STAT4: variants seen among roughly 807,000 people sequenced by gnomAD.
The protein encoded by STAT4 is signal transducer and activator of transcription 4.
Under a neutral mutation model 110.5 loss-of-function variants are expected in STAT4, and 42 were observed. The ratio of observed to expected loss-of-function variants is 0.38; its 90% CI spans 0.30 to 0.49. The LOEUF is 0.49. Ranked by LOEUF, STAT4 falls within the 20% of genes least tolerant of loss-of-function variation. STAT4 has a pLI of 0.95. For missense variants in STAT4, 632 were observed against 887.9 expected, an observed-to-expected ratio of 0.71 and a Z score of 3.66; for synonymous variants, 284 against 302.2, an observed-to-expected ratio of 0.94 and a Z score of 0.63.
intron 13 of STAT4, among the ~76,000 whole-genome samples, chr2:191,056,649 C>T (rs1334656454): frequency 6.6e-6 from 1 of 152,082 alleles, no homozygotes; most frequent in African/African-American, 2.4e-5. Context: ...TACATGTATA[C>T]AGTGTGTAAT....
In STAT4 at chr2:191,144,926, A is replaced by G. The variant is rs4853546; in HGVS notation, c.273+1687T>C. ...TGATTTGCTCAAAGCCACATTTGAG[A>G]GTCAGATTTTTAACCCAGACCTTCT... On this transcript the variant is annotated intron_variant, in intron 3 of 23. Transcript: ENST00000392320. This position sits in a 1 kb window ranked among gnomAD's most constrained non-coding sequence, Gnocchi z 4.7. Among the ~76,000 whole-genome samples, 91,212 of 151,926 alleles carry G rather than the reference A, an allele frequency of 0.6. 28,692 individuals carry two copies. Among genetic ancestry groups the G allele is most frequent in the South Asian group, 0.75 (3,632 of 4,812 alleles).
rs1699299159 is a variant in STAT4, at chr2:191,140,728, C to T, written c.273+5885G>A. 6.6e-6 allele frequency among the ~76,000 whole-genome samples: 1 copy of T among 152,118 alleles called. No individual in the cohort carries two copies. On this transcript the variant is annotated intron_variant, in intron 3 of 23. Transcript: ENST00000392320. This position sits in a 1 kb window ranked among gnomAD's most constrained non-coding sequence, Gnocchi z 4.4. ...GAACTGCTATTTAATCCAGCAATCC[C>T]ACTACTGGGTATCTACCCAAAGGAA...
chr2:191,098,911 G>C (rs1009841163), intron 3 of STAT4, among the ~76,000 whole-genome samples: 2 of 151,800 alleles, frequency 1.3e-5, no homozygotes, highest in Admixed American at 1.3e-4. Context: ...ATGTCATAAA[G>C]CCTAAAGACA....
In STAT4 at chr2:191,032,297, A is replaced by G. The variant is rs1376937449; in HGVS notation, c.2044+661T>C. ...GGATTGTATACACTTTCATTAAAGA[A>G]ACAGAATGGTGAACGTACCTTAAAA... On this transcript the variant is annotated intron_variant, in intron 21 of 23. Transcript: ENST00000392320. The surrounding 1 kb of genome is among the most constrained non-coding windows in gnomAD (Gnocchi z 4.9). The G allele has an allele frequency of 6.6e-6, 1 of 152,280 alleles. No homozygotes were observed. The highest frequency in any genetic ancestry group is 1.5e-5 in the Non-Finnish European group (1 of 68,072). The allele number at this position is 152,280 out of a possible 1,614,324, so 9.4% of individuals were successfully genotyped here. A position where few individuals can be genotyped will look rare whatever the true frequency, so the allele number is the denominator to read the frequency against.
chr2:191,115,239 C>T lies in STAT4; in HGVS notation c.273+31374G>A, dbSNP rs79105549. Among the ~76,000 whole-genome samples, 409 of 152,270 alleles carry T rather than the reference C, an allele frequency of 2.7e-3. 10 individuals carry two copies. In the East Asian group the frequency reaches 0.066, roughly 25 times the overall value. ...CAAGAACCCATTTGTCAAGGTGATT[C>T]CTGGTCCTTTGTTCTCAAAAACTCA... On this transcript the variant is annotated intron_variant, in intron 3 of 23. Transcript: ENST00000392320.
chr2:191,084,127 T>C (rs943545749), intron 3 of STAT4, among the ~76,000 whole-genome samples: 5 of 152,022 alleles, frequency 3.3e-5, no homozygotes, highest in Non-Finnish European at 7.4e-5. Flanking sequence ...CTGGGCATGG[T>C]GGTGCGTGAC....
rs777183749 is a variant in STAT4 at position 191,131,721 on chromosome 2, C to T, written c.273+14892G>A. 1.3e-4 allele frequency: 161 copies of T among 1,218,306 alleles called. 1 individual carries two copies. Among genetic ancestry groups the T allele is most frequent in the Non-Finnish European group, 1.6e-4 (155 of 961,970 alleles). The allele number at this position is 1,218,306 out of a possible 1,614,324, so 75.5% of individuals were successfully genotyped here. A position where few individuals can be genotyped will look rare whatever the true frequency, so the allele number is the denominator to read the frequency against. On this transcript the variant is annotated intron_variant, in intron 3 of 23. Coordinates refer to ENST00000392320, the MANE Select transcript of STAT4 (RefSeq NM_003151.4). ...ACAGTTTGCAAAAGCCAGAATTCTC[C>T]GATGTTTTGTATTAGAAGGAATAGA...
At chr2:191,079,621 C>T (rs1697408883) in intron 3 of STAT4, among the ~76,000 whole-genome samples, 1 of 151,978 alleles carries the variant, frequency 6.6e-6, no homozygotes, top group African/African-American at 2.4e-5. Flanking sequence ...AATCATATAT[C>T]ATGTGGATAT....
At position 191,033,075 on chromosome 2, in the gene STAT4, G is replaced by A; in HGVS notation, c.1927C>T (p.Arg643Ter). The A allele has an allele frequency of 1.2e-6, 2 of 1,614,172 alleles. No individual in the cohort carries two copies. Among genetic ancestry groups the A allele is most frequent in the Non-Finnish European group, 1.7e-6 (2 of 1,180,026 alleles). ...LSALPFADIL[R>*]DYKVIMAENI... ...TCAGCCATAATAACTTTGTAGTCTCGCAGGATGTCAGCGAATGGCAGAGCA... is the reference window on the plus strand; with the variant it reads ...TCAGCCATAATAACTTTGTAGTCTCACAGGATGTCAGCGAATGGCAGAGCA... The change falls in exon 21 of 24, where the codon CGA (arginine) becomes TGA (stop). Residue 643 changes from arginine to a stop codon, truncating the protein, a stop_gained. Transcript: ENST00000392320. LOFTEE classifies it high-confidence loss of function. The surrounding 1 kb of genome is among the most constrained non-coding windows in gnomAD (Gnocchi z 6.9).
At chr2:191,087,340 G>A (rs1697661146) in intron 3 of STAT4, among the ~76,000 whole-genome samples, 1 of 152,024 alleles carries the variant, frequency 6.6e-6, no homozygotes, top group Non-Finnish European at 1.5e-5. Flanking sequence ...GTTTCAAAGT[G>A]GGGACTAAAG....
intron 3 of STAT4, among the ~76,000 whole-genome samples, chr2:191,141,260 A>G (rs1351135364): frequency 2.0e-5 from 3 of 152,002 alleles, no homozygotes. Context: ...AAAATTTAAA[A>G]GACATACAAA....
At chr2:191,087,906 A>G (rs1292868861) in intron 3 of STAT4, among the ~76,000 whole-genome samples, 3 of 152,114 alleles carry the variant, frequency 2.0e-5, no homozygotes, top group South Asian at 4.1e-4. Flanking sequence ...ATAAAAAAAA[A>G]ATGTACCAAA....
At chr2:191,097,568 T>C (rs547214035) in intron 3 of STAT4, among the ~76,000 whole-genome samples, 1 of 152,352 alleles carries the variant, frequency 6.6e-6, no homozygotes, top group Admixed American at 6.5e-5. Context: ...GCTAGCCATA[T>C]GTAGAAAACT....
upstream of STAT4, chr2:191,151,517 G>T: frequency 1.0e-6 from 1 of 985,480 alleles, no homozygotes; most frequent in Non-Finnish European, 1.2e-6. The surrounding 1 kb of genome is among the most constrained non-coding windows in gnomAD (Gnocchi z 4.7). Flanking sequence ...CAGAGGGTTG[G>T]GCCAAGTCCT....
At chr2:191,130,714 T>A (rs188516954) in intron 3 of STAT4, among the ~76,000 whole-genome samples, 1 of 151,928 alleles carries the variant, frequency 6.6e-6, no homozygotes, top group African/African-American at 2.4e-5. Context: ...TTTTTCTTAA[T>A]TTTTGTTTCC....
In STAT4 at chr2:191,064,842, AC is replaced by A. The variant is rs1696943771; in HGVS notation, c.746del (p.Gly249ValfsTer24). On this transcript the variant is annotated frameshift_variant, in exon 8 of 24. Coordinates refer to ENST00000392320, the MANE Select transcript of STAT4 (RefSeq NM_003151.4). LOFTEE classifies it high-confidence loss of function. ...GCTGGTCGAGCCCATTGTGGAGTGG[AC>A]CCCCGATGCAGGCGATTTGCTGCCG... ...KRRQQIACIG[G>X]PLHNGLDQLQ... 1.2e-6 allele frequency: 2 copies of A among 1,612,904 alleles called. No homozygotes were observed. Among genetic ancestry groups the A allele is most frequent in the Non-Finnish European group, 1.7e-6 (2 of 1,179,522 alleles).
chr2:191,141,514 CAT>C (rs1451623239), intron 3 of STAT4, among the ~76,000 whole-genome samples: 5 of 143,470 alleles, frequency 3.5e-5, no homozygotes, highest in African/African-American at 1.3e-4. Context: ...TATACATACA[CAT>C]ATGTATATCA....
chr2:191,067,789 T>C (rs184005803), intron 6 of STAT4, among the ~76,000 whole-genome samples: 5 of 152,278 alleles, frequency 3.3e-5, no homozygotes, highest in African/African-American at 9.6e-5. Flanking sequence ...GGGAGAAGAT[T>C]CCCTTTTTGC....
Position 191,082,622 on chromosome 2 carries a change from C to A in STAT4, c.274-6297G>T, listed in dbSNP as rs1697515069. Among the ~76,000 whole-genome samples the A allele has an allele frequency of 2.0e-5, 3 of 152,210 alleles. No individual in the cohort carries two copies. The East Asian group carries it at 5.8e-4, about 29-fold the overall frequency. On this transcript the variant is annotated intron_variant, in intron 3 of 23. Coordinates refer to ENST00000392320, the MANE Select transcript of STAT4 (RefSeq NM_003151.4). This position sits in a 1 kb window ranked among gnomAD's most constrained non-coding sequence, Gnocchi z 4.7. ...AGAATCCATGAACATGCTATTTATT[C>A]TTTTTGCTACTTTATGCTAAATTTC...
Sources: allele counts gnomAD v4.1 joint callset (sites outside exome capture counted in the v4.1 genomes callset), GRCh38; gene constraint gnomAD v4.1.1; non-coding constraint Gnocchi (gnomAD v3.1); transcripts MANE v1.5; gene names NCBI Gene and HGNC (gene_info 2026-07-23, HGNC 2026-07-21).